Variants in LARS1 observed in about 807,000 individuals in gnomAD.
LARS1 encodes leucyl-tRNA synthetase 1, also known as leucine--tRNA ligase, cytoplasmic.
Under a neutral mutation model 162.8 loss-of-function variants are expected in LARS1, and 100 were observed. That is an observed-to-expected ratio of 0.61 (90% CI 0.52 to 0.73). LARS1 has a LOEUF of 0.73. LARS1 is among the 30% of genes least tolerant of loss of function. The pLI is 0.00. For missense variants in LARS1, 1,258 were observed against 1,408.9 expected (o/e 0.89, Z 1.71); for synonymous variants, 457 against 462.8 (o/e 0.99, Z 0.16).
rs1416135467 is a variant in LARS1, at chr5:146,144,346, G to C, written c.1659C>G (p.Phe553Leu). 1 of 1,612,458 alleles carries C rather than the reference G, an allele frequency of 6.2e-7. No individual in the cohort carries two copies. Among genetic ancestry groups the C allele is most frequent in the Non-Finnish European group, 8.5e-7 (1 of 1,179,484 alleles). ...TSQCLKNLET[F>L]CEETRRNFEA... is the part of the protein sequence containing the mutation. The stretch of plus-strand genomic sequence containing the variant: ...CAAAATTCCTCCTGGTCTCCTCACA[G>C]AATCTAGAAAAGAGCAAAAGACAAA... Residue 553 changes from phenylalanine to leucine, a missense_variant, in exon 18 of 32, where the codon TTC becomes TTG. Physicochemically the swap from Phe to Leu is conservative, Grantham distance 22 (BLOSUM62 0). Transcript: ENST00000394434.
intron 21 of LARS1, among the ~76,000 whole-genome samples, chr5:146,136,965 G>A (rs13184702): frequency 0.22 from 33,896 of 152,020 alleles, 4,835 homozygotes; most frequent in Admixed American, 0.34. Flanking sequence ...GCAATGGCAC[G>A]TTCTCAAATC....
At chr5:146,173,452 A>C (rs1238750529) in intron 2 of LARS1, among the ~76,000 whole-genome samples, 2 of 151,610 alleles carry the variant, frequency 1.3e-5, no homozygotes, top group African/African-American at 4.9e-5. Context: ...TATATATATA[A>C]AGCAATTCAA....
At chr5:146,166,304 A>T (rs1753999868) in intron 5 of LARS1, among the ~76,000 whole-genome samples, 1 of 152,138 alleles carries the variant, frequency 6.6e-6, no homozygotes, top group Non-Finnish European at 1.5e-5. Flanking sequence ...AGCTAAAAAA[A>T]CTCCCAATGG....
chr5:146,152,627 A>C (rs147955897), intron 13 of LARS1, among the ~76,000 whole-genome samples: 1 of 152,316 alleles, frequency 6.6e-6, no homozygotes, highest in African/African-American at 2.4e-5. Flanking sequence ...TGTCTTCCAC[A>C]AAACCAGTCC....
rs145776995 is a variant in LARS1 at position 146,132,983 on chromosome 5, C to T, written c.2311G>A (p.Val771Ile). The change falls in exon 23 of 32, where the codon GTA becomes ATA. Residue 771 changes from valine (V) to isoleucine (I), a missense_variant. Val to Ile is a conservative substitution (Grantham distance 29). Coordinates refer to ENST00000394434, the MANE Select transcript of LARS1 (RefSeq NM_020117.11). ...GCAACCATTTCTTTCACCCACTCTA[C>T]CCAGGTGTACAGACGGAGAATACCT... ...DAGILRLYTW[V>I]EWVKEMVANW... 4 of 1,613,982 alleles carry T rather than the reference C, an allele frequency of 2.5e-6. No homozygotes were observed. Among genetic ancestry groups the T allele is most frequent in the Non-Finnish European group, 3.4e-6 (4 of 1,179,982 alleles).
At chr5:146,135,110 T>C (rs1215047322) in intron 22 of LARS1, among the ~76,000 whole-genome samples, 1 of 151,798 alleles carries the variant, frequency 6.6e-6, no homozygotes, top group Non-Finnish European at 1.5e-5. Flanking sequence ...TTCAAGCGAT[T>C]CTCCTGCCTC....
At chr5:146,165,956 G>T (rs1753986121) in intron 5 of LARS1, among the ~76,000 whole-genome samples, 1 of 148,428 alleles carries the variant, frequency 6.7e-6, no homozygotes, top group Non-Finnish European at 1.5e-5. Context: ...ATGGAGCCAG[G>T]GGTATCAATA....
At chr5:146,147,738 TAAGAAAAAAATAAGATAATC>T (rs1753078117) in intron 15 of LARS1, among the ~76,000 whole-genome samples, 2 of 151,556 alleles carry the variant, frequency 1.3e-5, no homozygotes, top group African/African-American at 4.8e-5. Context: ...AAATAGAGAA[TAAGAAAAAAATAAGATAATC>T]AAGAAAAAAG....
At position 146,135,594 on chromosome 5, in the gene LARS1, T is replaced by C. The variant is rs1752469295; in HGVS notation, c.2212+7A>G. ...ACAGAACAGCAATAAGAAAAATGTT[T>C]ACTCACCATCTGCTGAAAATTTGTC... is the stretch of plus-strand genomic sequence containing the variant. On this transcript the variant is annotated splice_region_variant and intron_variant, in intron 22 of 31. Transcript: ENST00000394434. 1 of 1,592,970 alleles carries C rather than the reference T, an allele frequency of 6.3e-7. No individual in the cohort carries two copies. Among genetic ancestry groups the C allele is most frequent in the African/African-American group, 1.3e-5 (1 of 74,120 alleles).
At chr5:146,167,772 G>GC (rs1172565673) in intron 5 of LARS1, among the ~76,000 whole-genome samples, 1 of 151,434 alleles carries the variant, frequency 6.6e-6, no homozygotes, top group Non-Finnish European at 1.5e-5. Flanking sequence ...CTCATGATCC[G>GC]CCCGCCTCGG....
chr5:146,154,383 C>T (rs957108404), intron 10 of LARS1, among the ~76,000 whole-genome samples: 10 of 152,094 alleles, frequency 6.6e-5, no homozygotes, highest in African/African-American at 2.2e-4. Context: ...ATGGTAAGTA[C>T]GTAAGGTATA....
At chr5:146,160,876 G>A (rs1753749063) in intron 6 of LARS1, among the ~76,000 whole-genome samples, 7 of 151,998 alleles carry the variant, frequency 4.6e-5, no homozygotes, top group Admixed American at 4.6e-4. Flanking sequence ...ATTGTTATGA[G>A]ACCCATAGGC....
chr5:146,121,041 A>C (rs1049652010), intron 30 of LARS1, among the ~76,000 whole-genome samples: 1 of 152,198 alleles, frequency 6.6e-6, no homozygotes, highest in African/African-American at 2.4e-5. Context: ...TGAAAGACTT[A>C]AATACATAGT....
intron 15 of LARS1, 115 bp downstream of exon 15, chr5:146,149,507 G>C: frequency 1.3e-6 from 1 of 757,742 alleles, no homozygotes; most frequent in Non-Finnish European, 2.3e-6. Context: ...CCGCAAAACT[G>C]TATGATATTT....
intron 1 of LARS1, among the ~76,000 whole-genome samples, chr5:146,180,016 G>A (rs1754763165): frequency 6.6e-6 from 1 of 152,220 alleles, no homozygotes; most frequent in Admixed American, 6.5e-5. Context: ...TCAACAGGCA[G>A]GAACTTTTAA....
At chr5:146,176,448 C>CAAAAAAAAAAAAAA (rs34896615) in intron 2 of LARS1, among the ~76,000 whole-genome samples, 2 of 76,954 alleles carry the variant, frequency 2.6e-5, no homozygotes, top group Non-Finnish European at 4.8e-5. Flanking sequence ...AAGACTGTCT[C>CAAAAAAAAAAAAAA]AAAAAAAAAA....
chr5:146,170,732 T>A (rs965676031), intron 4 of LARS1, among the ~76,000 whole-genome samples: 11 of 151,588 alleles, frequency 7.3e-5, no homozygotes, highest in Non-Finnish European at 1.3e-4. Flanking sequence ...TGGTGGCTCA[T>A]GCCTGTAATC....
rs116426672 is a variant in LARS1, at chr5:146,161,338, A to T, written c.595-852T>A. On this transcript the variant is annotated intron_variant, in intron 6 of 31. Transcript: ENST00000394434. The stretch of plus-strand genomic sequence containing the variant: ...GGCAATTTCTTAAACTAAGACAACA[A>T]TGAAGTTTGCCACATCCATTGACTC... Among the ~76,000 whole-genome samples, 1,301 of 152,256 alleles carry T rather than the reference A, an allele frequency of 8.5e-3. 23 individuals carry two copies. The highest frequency in any genetic ancestry group is 0.03 in the African/African-American group (1,243 of 41,554).
At chr5:146,129,988 A>G in intron 25 of LARS1, 30 bp downstream of exon 25, 1 of 1,583,854 alleles carries the variant, frequency 6.3e-7, no homozygotes, top group South Asian at 1.1e-5. Flanking sequence ...AATCAAAACC[A>G]CTCGAAACAT....
Sources: allele counts gnomAD v4.1 joint callset (sites outside exome capture counted in the v4.1 genomes callset), GRCh38; gene constraint gnomAD v4.1.1; transcripts MANE v1.5; gene names NCBI Gene and HGNC (gene_info 2026-07-23, HGNC 2026-07-21).